Variants in RBL1 observed in about 807,000 individuals in gnomAD.
RBL1 encodes retinoblastoma-like protein 1.
Under a neutral mutation model 123.0 loss-of-function variants are expected in RBL1, and 82 were observed. The observed-to-expected ratio is 0.67, with a 90% CI of 0.56 to 0.80. RBL1 has a LOEUF of 0.80. Ranked by LOEUF, RBL1 falls within the 30% of genes least tolerant of loss-of-function variation. The probability of loss-of-function intolerance (pLI) is 0.00; values close to 1 mark genes in which losing one functional copy is unlikely to be tolerated. For missense variants in RBL1, 1,171 were observed against 1,299.6 expected, an observed-to-expected ratio of 0.90 and a Z score of 1.52; for synonymous variants, 405 against 441.3, an observed-to-expected ratio of 0.92 and a Z score of 1.03.
In RBL1 at chr20:37,025,526, G is replaced by GA. The variant is rs201218564; in HGVS notation, c.2383-2701dup. Among the ~76,000 whole-genome samples, 467 of 140,572 alleles carry GA rather than the reference G, an allele frequency of 3.3e-3. 5 individuals carry two copies. The highest frequency in any genetic ancestry group is 0.011 in the African/African-American group (407 of 38,610). 92.2% of individuals were successfully genotyped at this position (140,572 alleles called of 152,430 possible). On this transcript the variant is annotated intron_variant, in intron 16 of 21. Transcript: ENST00000373664. ...CAGAGCAAGACCTTGTCTCCAAAAA[G>GA]AAAAAAAAAAACATTCTACAAGTGG...
intron 1 of RBL1, among the ~76,000 whole-genome samples, chr20:37,092,077 T>C (rs2065655537): frequency 1.3e-5 from 2 of 152,062 alleles, no homozygotes; most frequent in Admixed American, 1.3e-4. Context: ...ACCCTATCTC[T>C]ACAAAATACA....
intron 19 of RBL1, among the ~76,000 whole-genome samples, chr20:37,015,838 G>T (rs2064241904): frequency 6.6e-6 from 1 of 151,928 alleles, no homozygotes; most frequent in Non-Finnish European, 1.5e-5. Context: ...TGATTCTCCT[G>T]CCTCAGCCTC....
intron 9 of RBL1, among the ~76,000 whole-genome samples, chr20:37,058,115 T>TAA (rs766773271): frequency 2.7e-4 from 21 of 78,378 alleles, no homozygotes; most frequent in East Asian, 5.3e-4. Flanking sequence ...AAACTCTGTC[T>TAA]AAAAAAAAAA....
chr20:37,026,206 C>T (rs369821591), intron 16 of RBL1, among the ~76,000 whole-genome samples: 56 of 152,192 alleles, frequency 3.7e-4, no homozygotes, highest in African/African-American at 9.9e-4. Context: ...GGTCAGAAAA[C>T]ACATTAGAGG....
intron 2 of RBL1, chr20:37,082,043 C>T (rs1275147662): frequency 6.6e-6 from 3 of 456,022 alleles, no homozygotes; most frequent in South Asian, 4.6e-5. Flanking sequence ...GAAGACAGCA[C>T]AGAGCATGTG....
At chr20:37,039,168 T>C (rs2146259067) in intron 14 of RBL1, among the ~76,000 whole-genome samples, 1 of 152,240 alleles carries the variant, frequency 6.6e-6, no homozygotes, top group East Asian at 1.9e-4. Flanking sequence ...CTAAAATCTT[T>C]CCATTGGTAA....
rs1403190767 is a variant in RBL1, at chr20:37,035,347, T to C, written c.2065A>G (p.Ile689Val). 1 of 1,613,998 alleles carries C rather than the reference T, an allele frequency of 6.2e-7. No homozygotes were observed. The highest frequency in any genetic ancestry group is 8.5e-7 in the Non-Finnish European group (1 of 1,180,008). Residue 689 changes from isoleucine (I) to valine (V), a missense_variant, in exon 15 of 22, where the codon ATT (isoleucine) becomes GTT (valine). Physicochemically the swap from Ile to Val is conservative, Grantham distance 29. Coordinates refer to ENST00000373664, the MANE Select transcript of RBL1 (RefSeq NM_002895.5). ...TKLKIAPSSS[I>V]TAENVSILPG... ...AAAATTGATACATTTTCAGCAGTAA[T>C]GCTTGAAGAAGGAGCGATTTTCAAT...
chr20:37,007,339 C>CCAAG, intron 20 of RBL1, 72 bp downstream of exon 20: 6 of 1,504,224 alleles, frequency 4.0e-6, no homozygotes, highest in Non-Finnish European at 5.4e-6. Flanking sequence ...ACATATTTAT[C>CCAAG]TAGCAAAATA....
chr20:37,062,684 G>A (rs1392142809), intron 7 of RBL1, among the ~76,000 whole-genome samples: 3 of 150,182 alleles, frequency 2.0e-5, no homozygotes, highest in Admixed American at 6.6e-5. Flanking sequence ...GGCCAGGCGC[G>A]GTGGCTCACG....
chr20:37,029,560 T>G (rs1183561882), intron 16 of RBL1, among the ~76,000 whole-genome samples: 1 of 152,206 alleles, frequency 6.6e-6, no homozygotes, highest in Non-Finnish European at 1.5e-5. Context: ...CTTTCACCAC[T>G]TTTATTCAAC....
At chr20:37,049,586 G>C (rs1273749508) in intron 11 of RBL1, 2 of 755,556 alleles carry the variant, frequency 2.6e-6, no homozygotes, top group African/African-American at 3.4e-5. Context: ...AAAATTAGTT[G>C]CTTTCGTCGA....
intron 2 of RBL1, among the ~76,000 whole-genome samples, chr20:37,085,855 T>G (rs2065536860): frequency 6.6e-6 from 1 of 151,938 alleles, no homozygotes; most frequent in East Asian, 1.9e-4. Context: ...TTCACTGTGT[T>G]AGCCAGGATG....
intron 2 of RBL1, among the ~76,000 whole-genome samples, chr20:37,078,642 A>G (rs1188579944): frequency 3.9e-5 from 6 of 152,202 alleles, no homozygotes; most frequent in African/African-American, 4.8e-5. Context: ...GGACATTACG[A>G]TAAGTGAAAT....
At chr20:37,083,344 T>C (rs2065483450) in intron 2 of RBL1, among the ~76,000 whole-genome samples, 1 of 151,746 alleles carries the variant, frequency 6.6e-6, no homozygotes, top group Non-Finnish European at 1.5e-5. Flanking sequence ...GAAATGCACC[T>C]GTAGTCCCAG....
intron 2 of RBL1, chr20:37,081,899 G>C (rs542551159): frequency 2.3e-6 from 1 of 433,874 alleles, no homozygotes; most frequent in African/African-American, 2.0e-5. Flanking sequence ...AGAGACCCCT[G>C]CTGGCTCAGC....
intron 19 of RBL1, among the ~76,000 whole-genome samples, chr20:37,012,206 C>T (rs534046033): frequency 7.0e-4 from 106 of 152,380 alleles, no homozygotes; most frequent in African/African-American, 2.5e-3. Flanking sequence ...GTGATCTCGG[C>T]TCGCTACAAC....
intron 16 of RBL1, 85 bp downstream of exon 16, chr20:37,032,580 A>C: frequency 2.6e-6 from 4 of 1,552,396 alleles, no homozygotes; most frequent in Non-Finnish European, 3.5e-6. Context: ...TATTAGAAAA[A>C]AAAAAGACCA....
intron 16 of RBL1, among the ~76,000 whole-genome samples, chr20:37,027,293 C>G (rs2064441210): frequency 6.6e-6 from 1 of 152,008 alleles, no homozygotes; most frequent in Non-Finnish European, 1.5e-5. Flanking sequence ...GAGACATGAT[C>G]GTGCCTATGC....
chr20:37,003,095 A>G (rs2064014181), intron 21 of RBL1, among the ~76,000 whole-genome samples: 1 of 152,210 alleles, frequency 6.6e-6, no homozygotes, highest in South Asian at 2.1e-4. Context: ...CTGAATAGGA[A>G]AGTAATAAGA....
Sources: gnomAD v4.1 joint callset for allele counts (sites outside exome capture counted in the v4.1 genomes callset) on GRCh38, gnomAD v4.1.1 for gene constraint, MANE v1.5 for transcripts, NCBI Gene and HGNC (gene_info 2026-07-23, HGNC 2026-07-21) for gene names.